The following TDP1 variants were observed in gnomAD, a reference collection of about 807,000 sequenced individuals.
TDP1 encodes the protein tyrosyl-DNA phosphodiesterase 1.
A neutral mutation model predicts 81.5 loss-of-function variants in TDP1; 64 were observed. The ratio of observed to expected loss-of-function variants is 0.79; its 90% confidence interval spans 0.64 to 0.97. The LOEUF is 0.97. TDP1 is among the 50% of genes least tolerant of loss of function. TDP1 has a pLI of 0.00. For synonymous variants in TDP1, 256 were observed against 264.3 expected (o/e 0.97, Z 0.30); for missense variants, 723 against 743.8 (o/e 0.97, Z 0.33).
chr14:90,015,141 C>T (rs986330987), intron 14 of TDP1, among the ~76,000 whole-genome samples: 1 of 152,102 alleles, frequency 6.6e-6, no homozygotes, highest in Non-Finnish European at 1.5e-5. Context: ...GATATAGGAA[C>T]CTAAAGCCCA....
At chr14:90,034,271 A>G (rs2140327299) in intron 16 of TDP1, among the ~76,000 whole-genome samples, 1 of 152,296 alleles carries the variant, frequency 6.6e-6, no homozygotes, top group Middle Eastern at 3.4e-3. Flanking sequence ...GAAAACAACA[A>G]ATGATGGCTT....
At chr14:90,003,213 G>C (rs979496325) in intron 14 of TDP1, among the ~76,000 whole-genome samples, 1 of 152,224 alleles carries the variant, frequency 6.6e-6, no homozygotes, top group African/African-American at 2.4e-5. Flanking sequence ...TGGGATTACA[G>C]GCGTGAGCCA....
chr14:90,014,984 A>G (rs1266353922), intron 14 of TDP1, among the ~76,000 whole-genome samples: 2 of 152,184 alleles, frequency 1.3e-5, no homozygotes, highest in Non-Finnish European at 2.9e-5. Flanking sequence ...GTAAACCTCC[A>G]GTGAAACTCA....
chr14:89,978,025 C>T (rs762028477), intron 7 of TDP1, among the ~76,000 whole-genome samples: 4 of 152,188 alleles, frequency 2.6e-5, no homozygotes, highest in South Asian at 4.1e-4. Context: ...ATATCCAGAT[C>T]CAGGTGGTGG....
chr14:90,020,085 C>G (rs1885792837), intron 15 of TDP1, among the ~76,000 whole-genome samples: 2 of 152,196 alleles, frequency 1.3e-5, no homozygotes, highest in Non-Finnish European at 2.9e-5. Flanking sequence ...TCTGGAGCCA[C>G]TTGAGATTTC....
chr14:89,979,705 G>A (rs1894761976), intron 7 of TDP1, among the ~76,000 whole-genome samples: 1 of 152,156 alleles, frequency 6.6e-6, no homozygotes, highest in Non-Finnish European at 1.5e-5. Context: ...ACATTGAATG[G>A]CTTACCTAGG....
At chr14:90,038,131 G>GT (rs1277239546) in intron 16 of TDP1, among the ~76,000 whole-genome samples, 6 of 152,170 alleles carry the variant, frequency 3.9e-5, no homozygotes, top group African/African-American at 1.4e-4. Flanking sequence ...TGATTGATTG[G>GT]TTAAGTTGGT....
At chr14:90,018,281 G>C (rs1214330744) in intron 14 of TDP1, among the ~76,000 whole-genome samples, 1 of 152,056 alleles carries the variant, frequency 6.6e-6, no homozygotes, top group African/African-American at 2.4e-5. Flanking sequence ...TAGAACTTGG[G>C]TGAGCCTAAC....
intron 16 of TDP1, among the ~76,000 whole-genome samples, chr14:90,034,624 C>A (rs1887640955): frequency 6.6e-6 from 1 of 152,184 alleles, no homozygotes; most frequent in East Asian, 1.9e-4. Flanking sequence ...GATATATAAT[C>A]AAGACACACT....
chr14:90,005,781 CAGTA>C (rs899607178), intron 14 of TDP1, among the ~76,000 whole-genome samples: 6 of 152,300 alleles, frequency 3.9e-5, no homozygotes, highest in East Asian at 1.9e-4. Context: ...GAAAATAAAA[CAGTA>C]AGCAGTTTTT....
At chr14:90,038,533 A>G (rs953252126) in intron 16 of TDP1, among the ~76,000 whole-genome samples, 2 of 152,216 alleles carry the variant, frequency 1.3e-5, no homozygotes, top group African/African-American at 4.8e-5. Context: ...CACAAAAGGT[A>G]TATTGCTTTA....
chr14:89,975,819 A>C lies in TDP1; in HGVS notation c.791+4A>C. 1.2e-6 allele frequency: 2 copies of C among 1,612,042 alleles called. No homozygotes were observed. The highest frequency in any genetic ancestry group is 4.5e-5 in the East Asian group (2 of 44,870). On this transcript the variant is annotated splice_donor_region_variant and intron_variant, in intron 7 of 16. Transcript: ENST00000335725. ...TTGCGTTTGGAACACACCACACGTAAGCACTTTTTGTGAAATAGGGGAACC... is the reference window on the plus strand; with the variant it reads ...TTGCGTTTGGAACACACCACACGTACGCACTTTTTGTGAAATAGGGGAACC...
intron 2 of TDP1, among the ~76,000 whole-genome samples, chr14:89,958,890 A>G (rs1480553985): frequency 6.6e-6 from 1 of 152,256 alleles, no homozygotes. Context: ...TCTTTTACAT[A>G]AAATAAACTT....
intron 15 of TDP1, among the ~76,000 whole-genome samples, chr14:90,023,567 T>C (rs1271989060): frequency 1.3e-5 from 2 of 152,368 alleles, no homozygotes; most frequent in East Asian, 3.9e-4. Flanking sequence ...TAAAAGGTAC[T>C]TGAGGATATA....
upstream of TDP1, chr14:89,955,518 T>C (rs1891465361): frequency 6.6e-6 from 1 of 152,234 alleles, no homozygotes; most frequent in Non-Finnish European, 1.5e-5. Flanking sequence ...TCATTTAACT[T>C]TTTATTTTGC....
intron 14 of TDP1, among the ~76,000 whole-genome samples, chr14:90,005,431 T>C (rs1481121940): frequency 1.3e-5 from 2 of 152,244 alleles, no homozygotes; most frequent in African/African-American, 2.4e-5. Context: ...TAAATCATTA[T>C]AATAGATCAT....
At chr14:90,034,931 T>G (rs546270755) in intron 16 of TDP1, among the ~76,000 whole-genome samples, 1 of 152,076 alleles carries the variant, frequency 6.6e-6, no homozygotes, top group South Asian at 2.1e-4. Context: ...GAACCAAGCC[T>G]CCTCTGTCGC....
chr14:89,963,272 A>G lies in TDP1; in HGVS notation c.158A>G (p.Lys53Arg). 6.2e-7 allele frequency: 1 copy of G among 1,614,200 alleles called. No individual in the cohort carries two copies. The highest frequency in any genetic ancestry group is 8.5e-7 in the Non-Finnish European group (1 of 1,180,018). ...AGGTACACCTGTTCCGAGGCCCAGA[A>G]AGCTGCACACAAGAGGAAAATATCA... Reference protein sequence around the residue: ...EPRYTCSEAQKAAHKRKISPV... With the variant: ...EPRYTCSEAQRAAHKRKISPV... The change falls in exon 3 of 17, where the codon AAA (lysine) becomes AGA (arginine). Residue 53 changes from lysine to arginine, a missense_variant. Physicochemically the swap from Lys to Arg is conservative, Grantham distance 26. Transcript: ENST00000335725.
intron 16 of TDP1, 53 bp downstream of exon 16, chr14:90,033,267 CAG>C (rs764408574): frequency 2.8e-6 from 3 of 1,061,304 alleles, no homozygotes; most frequent in South Asian, 1.3e-5. Flanking sequence ...GAAAAACAAA[CAG>C]AGCCCAGGAG....
Sources: gnomAD v4.1 joint callset for allele counts (sites outside exome capture counted in the v4.1 genomes callset) on GRCh38, gnomAD v4.1.1 for gene constraint, MANE v1.5 for transcripts, NCBI Gene and HGNC (gene_info 2026-07-23, HGNC 2026-07-21) for gene names.